CNKSR2: variants seen among roughly 807,000 people sequenced by gnomAD.
The protein encoded by CNKSR2 is connector enhancer of kinase suppressor of Ras 2.
Under a neutral mutation model 84.4 loss-of-function variants are expected in CNKSR2, and 14 were observed. The ratio of observed to expected loss-of-function variants is 0.17; its 90% CI spans 0.11 to 0.26. CNKSR2 has a LOEUF of 0.26. Among genes scored for constraint, CNKSR2 ranks in the 10% least tolerant of loss-of-function variants. CNKSR2 has a pLI of 1.00. For synonymous variants in CNKSR2, 275 were observed against 277.9 expected (o/e 0.99, Z 0.10); for missense variants, 485 against 771.2 (o/e 0.63, Z 4.40).
At chrX:21,639,648 A>T (rs1408711197) in intron 20 of CNKSR2, among the ~76,000 whole-genome samples, 1 of 111,684 alleles carries the variant, frequency 9.0e-6, no homozygotes, top group Non-Finnish European at 1.9e-5. Flanking sequence ...ATGGGATTAA[A>T]AATAAAATGC....
chrX:21,483,010 G>C (rs1182933762), intron 5 of CNKSR2, among the ~76,000 whole-genome samples: 1 of 111,625 alleles, frequency 9.0e-6, no homozygotes, highest in Non-Finnish European at 1.9e-5. Context: ...TTAATATTGG[G>C]TTAAAATTGG....
intron 4 of CNKSR2, among the ~76,000 whole-genome samples, chrX:21,451,843 T>TATA (rs1292916826): frequency 2.7e-5 from 3 of 110,247 alleles, no homozygotes; most frequent in Non-Finnish European, 5.7e-5. Flanking sequence ...AAACTTAAAG[T>TATA]ATAATAATAA....
intron 11 of CNKSR2, among the ~76,000 whole-genome samples, chrX:21,559,808 T>A (rs890005486): frequency 8.9e-6 from 1 of 111,949 alleles, no homozygotes; most frequent in Non-Finnish European, 1.9e-5. Context: ...CAAAGTTGTT[T>A]GCATACCTTG....
intron 1 of CNKSR2, among the ~76,000 whole-genome samples, 157 bp downstream of exon 1, chrX:21,375,118 GC>G (rs1040748285): frequency 8.9e-6 from 1 of 112,745 alleles, no homozygotes; most frequent in African/African-American, 3.2e-5. Flanking sequence ...ACTGGCAGGG[GC>G]CTGGGGTCCC....
At chrX:21,466,068 A>G (rs1308828983) in intron 4 of CNKSR2, among the ~76,000 whole-genome samples, 1 of 112,074 alleles carries the variant, frequency 8.9e-6, no homozygotes, top group African/African-American at 3.2e-5. Context: ...CATAATTTGT[A>G]GAAGCATTAT....
intron 9 of CNKSR2, among the ~76,000 whole-genome samples, chrX:21,516,960 A>G (rs1419061138): frequency 8.9e-6 from 1 of 112,058 alleles, no homozygotes; most frequent in African/African-American, 3.2e-5. Flanking sequence ...CTTCTATTTT[A>G]TGTTATACCC....
intron 20 of CNKSR2, among the ~76,000 whole-genome samples, chrX:21,621,028 C>T (rs2092599385): frequency 9.0e-6 from 1 of 111,222 alleles, no homozygotes; most frequent in Non-Finnish European, 1.9e-5. Context: ...CACCATATGC[C>T]TTGCACATTG....
rs771330252 is a variant in CNKSR2, at chrX:21,374,624, A to AGCC, written c.-272_-271insCGC. 162 of 508,766 alleles carry AGCC rather than the reference A, an allele frequency of 3.2e-4. No individual in the cohort carries two copies. The highest frequency in any genetic ancestry group is 6.6e-4 in the South Asian group (26 of 39,298). The allele number at this position is 508,766 out of a possible 1,213,427, so 41.9% of individuals were successfully genotyped here. On this transcript the variant is annotated 5_prime_UTR_variant, in exon 1 of 22. Coordinates refer to ENST00000379510, the MANE Select transcript of CNKSR2 (RefSeq NM_014927.5). ...CAGCAGCAGCAGCAGCAGCAGCAGC[A>AGCC]GCAGCAGCCGCCGCCGCCGCCGCCT... is the stretch of plus-strand genomic sequence containing the variant.
chrX:21,459,134 T>C (rs1311044704), intron 4 of CNKSR2, among the ~76,000 whole-genome samples: 2 of 107,045 alleles, frequency 1.9e-5, no homozygotes, highest in Non-Finnish European at 3.9e-5. Flanking sequence ...GTGATTCTCC[T>C]GCCTCAGCCT....
In CNKSR2 at chrX:21,654,009, C is replaced by A. The variant is rs1187181769; in HGVS notation, c.*1488C>A. ...AAAGTAAAAACTCCACAGCGGGGATCTTTTTCTTTGCTTTTGAAACCACCA... is the reference window on the plus strand; with the variant it reads ...AAAGTAAAAACTCCACAGCGGGGATATTTTTCTTTGCTTTTGAAACCACCA... On this transcript the variant is annotated 3_prime_UTR_variant, in exon 22 of 22. Coordinates refer to ENST00000379510, the MANE Select transcript of CNKSR2 (RefSeq NM_014927.5). 1 of 110,972 alleles carries A rather than the reference C, an allele frequency of 9.0e-6. No homozygotes were observed. The highest frequency in any genetic ancestry group is 1.9e-5 in the Non-Finnish European group (1 of 52,991). The allele number at this position is 110,972 out of a possible 1,213,427, so 9.1% of individuals were successfully genotyped here. A position where few individuals can be genotyped will look rare whatever the true frequency, so the allele number is the denominator to read the frequency against.
In CNKSR2 at chrX:21,609,509, G is replaced by A; in HGVS notation, c.2584G>A (p.Val862Ile). The A allele has an allele frequency of 9.9e-6, 12 of 1,211,245 alleles. No homozygotes were observed. The highest frequency in any genetic ancestry group is 1.1e-5 in the Non-Finnish European group (10 of 895,470). Residue 862 changes from valine to isoleucine, a missense_variant, in exon 20 of 22, where the codon GTT becomes ATT. This residue lies in a region of CNKSR2 where 210 missense variants were observed against 291.5 expected (regional missense o/e 0.72). Coordinates refer to ENST00000379510, the MANE Select transcript of CNKSR2 (RefSeq NM_014927.5). ...CAACCATTGCTGTCTGAATGCTCCAGTTAGTGCCTGTGACCCACAGGATGA... is the reference window on the plus strand; with the variant it reads ...CAACCATTGCTGTCTGAATGCTCCAATTAGTGCCTGTGACCCACAGGATGA... ...GFNHCCLNAP[V>I]SACDPQDDVQ...
At chrX:21,540,752 C>G (rs1024052522) in intron 11 of CNKSR2, among the ~76,000 whole-genome samples, 1 of 111,584 alleles carries the variant, frequency 9.0e-6, no homozygotes, top group Non-Finnish European at 1.9e-5. Flanking sequence ...TCTGTTTACT[C>G]AAAGAGACTT....
chrX:21,612,683 T>C, intron 20 of CNKSR2, among the ~76,000 whole-genome samples: 1 of 112,147 alleles, frequency 8.9e-6, no homozygotes, highest in Admixed American at 9.5e-5. Context: ...TTACCTTATA[T>C]CACAATATAT....
chrX:21,376,663 A>C (rs893091425), intron 1 of CNKSR2, among the ~76,000 whole-genome samples: 1 of 112,444 alleles, frequency 8.9e-6, no homozygotes, highest in Admixed American at 9.4e-5. Flanking sequence ...ACAGGAAGCA[A>C]CAATGCTTAA....
At position 21,374,630 on chromosome X, in the gene CNKSR2, A is replaced by AGCAGCAGCAGCAGCAGCAGCC. The variant is rs547454548; in HGVS notation, c.-266_-265insAGCAGCAGCAGCAGCAGCCGC. On this transcript the variant is annotated 5_prime_UTR_variant, in exon 1 of 22. Coordinates refer to ENST00000379510, the MANE Select transcript of CNKSR2 (RefSeq NM_014927.5). ...CAGCAGCAGCAGCAGCAGCAGCAGC[A>AGCAGCAGCAGCAGCAGCAGCC]GCCGCCGCCGCCGCCGCCTTAGCGG... is the stretch of plus-strand genomic sequence containing the variant. 9.7e-5 allele frequency: 43 copies of AGCAGCAGCAGCAGCAGCAGCC among 445,316 alleles called. 5 individuals carry two copies. The highest frequency in any genetic ancestry group is 5.9e-4 in the Middle Eastern group (1 of 1,697). 36.7% of individuals were successfully genotyped at this position (445,316 alleles called of 1,213,427 possible). A position where few individuals can be genotyped will look rare whatever the true frequency, so the allele number is the denominator to read the frequency against.
intron 4 of CNKSR2, among the ~76,000 whole-genome samples, chrX:21,451,457 A>G (rs2090927554): frequency 9.1e-6 from 1 of 110,434 alleles, no homozygotes; most frequent in East Asian, 2.9e-4. Flanking sequence ...CCAAATGCCT[A>G]ACAATGATAG....
At chrX:21,428,437 T>C (rs1039560866) in intron 2 of CNKSR2, 1 of 111,853 alleles carries the variant, frequency 8.9e-6, no homozygotes, top group East Asian at 2.8e-4. Flanking sequence ...GAATCAAAGG[T>C]TTATTTAGTC....
intron 1 of CNKSR2, among the ~76,000 whole-genome samples, chrX:21,389,966 A>G (rs1309398402): frequency 2.7e-5 from 3 of 112,183 alleles, no homozygotes; most frequent in East Asian, 2.8e-4. Context: ...AGAAAAGGAG[A>G]TTAAATGTAC....
intron 4 of CNKSR2, among the ~76,000 whole-genome samples, chrX:21,461,490 C>G (rs181961119): frequency 2.3e-3 from 255 of 111,240 alleles, no homozygotes; most frequent in African/African-American, 7.5e-3. Context: ...TGGCTTGTCT[C>G]TTCACTTTGT....
Sources: gnomAD v4.1 joint callset for allele counts (sites outside exome capture counted in the v4.1 genomes callset) on GRCh38, gnomAD v4.1.1 for gene constraint, gnomAD v4.1.1 regional missense constraint, MANE v1.5 for transcripts, NCBI Gene and HGNC (gene_info 2026-07-23, HGNC 2026-07-21) for gene names.